DLG5: variants seen among roughly 807,000 people sequenced by gnomAD.
DLG5 encodes the protein disks large homolog 5.
Under a neutral mutation model 189.8 loss-of-function variants are expected in DLG5, and 48 were observed. The observed-to-expected ratio is 0.25, with a 90% CI of 0.20 to 0.32. The LOEUF (loss-of-function observed/expected upper bound fraction) is 0.32, where lower values mean the gene tolerates loss of function less well. Ranked by LOEUF, DLG5 falls within the 10% of genes least tolerant of loss-of-function variation. The pLI, the probability that DLG5 is intolerant of heterozygous loss-of-function variation, is 1.00. For missense variants in DLG5, 2,160 were observed against 2,544.7 expected (o/e 0.85, Z 3.25); for synonymous variants, 1,016 against 1,054.1 (o/e 0.96, Z 0.70).
At chr10:77,816,393 T>G (rs1450099278) in intron 20 of DLG5, among the ~76,000 whole-genome samples, 158 bp downstream of exon 20, 2 of 152,218 alleles carry the variant, frequency 1.3e-5, no homozygotes, top group Non-Finnish European at 2.9e-5. Flanking sequence ...CTGCATCCAG[T>G]GCCCCATGGC....
chr10:77,897,083 T>C (rs1241158251), intron 1 of DLG5, among the ~76,000 whole-genome samples: 3 of 151,884 alleles, frequency 2.0e-5, no homozygotes, highest in East Asian at 3.9e-4. Context: ...AAGCCAGGCA[T>C]GGTGGCTCAC....
intron 1 of DLG5, among the ~76,000 whole-genome samples, chr10:77,876,699 A>G (rs1486729650): frequency 2.8e-5 from 2 of 71,726 alleles, no homozygotes; most frequent in African/African-American, 4.3e-5. Context: ...GGAAGGAAGG[A>G]AGGAAGGAAG....
chr10:77,895,915 A>G (rs1043113257), intron 1 of DLG5, among the ~76,000 whole-genome samples: 1 of 152,220 alleles, frequency 6.6e-6, no homozygotes, highest in Non-Finnish European at 1.5e-5. Flanking sequence ...AAAAACCAGT[A>G]GCATCTTTTA....
At chr10:77,896,368 A>T (rs1469248947) in intron 1 of DLG5, among the ~76,000 whole-genome samples, 2 of 152,184 alleles carry the variant, frequency 1.3e-5, no homozygotes, top group Non-Finnish European at 2.9e-5. Flanking sequence ...TAGAGGATAT[A>T]ATTGCATCAG....
chr10:77,939,247 C>A, the DLG5 span, among the ~76,000 whole-genome samples: 1 of 152,120 alleles, frequency 6.6e-6, no homozygotes, highest in Admixed American at 6.5e-5. Context: ...AAAGCCAGTT[C>A]CTGGGGAATA....
chr10:77,869,443 G>A, intron 1 of DLG5: 3 of 490,962 alleles, frequency 6.1e-6, no homozygotes, highest in Non-Finnish European at 1.1e-5. Context: ...GGAACTTGGA[G>A]TCAGTCAGCT....
At chr10:77,917,661 C>T (rs1038831823) in intron 1 of DLG5, among the ~76,000 whole-genome samples, 3 of 152,116 alleles carry the variant, frequency 2.0e-5, no homozygotes, top group African/African-American at 7.2e-5. Context: ...TCAATAGGTA[C>T]AGAGTTTCGA....
intron 1 of DLG5, among the ~76,000 whole-genome samples, chr10:77,916,356 T>A (rs2131851149): frequency 6.6e-6 from 1 of 152,130 alleles, no homozygotes; most frequent in African/African-American, 2.4e-5. Context: ...AATGGCACGA[T>A]CTCAGCTAAC....
chr10:77,829,257 C>T (rs1415143376), intron 12 of DLG5, 98 bp downstream of exon 12: 5 of 1,515,280 alleles, frequency 3.3e-6, no homozygotes, highest in Non-Finnish European at 4.5e-6. Flanking sequence ...GCCCCTCATC[C>T]CTGTGAATGA....
chr10:77,889,423 C>T (rs2095576929), intron 1 of DLG5: 1 of 152,602 alleles, frequency 6.6e-6, no homozygotes, highest in Non-Finnish European at 1.5e-5. Flanking sequence ...GGTATCCAGC[C>T]CTCACCCGTG....
In DLG5 at chr10:77,843,599, G is replaced by A; in HGVS notation, c.972C>T (p.Tyr324=). The change falls in exon 6 of 32, where the codon TAC becomes TAT. Residue 324 remains tyrosine (Y), a synonymous_variant. Coordinates refer to ENST00000372391, the MANE Select transcript of DLG5 (RefSeq NM_004747.4). ...KKDYDALRKR[Y]SEKVAIHNAD... ...CATTGTGGATGGCGACTTTCTCACT[G>A]TACCTCTTCCGAAGGGCGTCATAGT... 1.2e-6 allele frequency: 2 copies of A among 1,614,012 alleles called. No individual in the cohort carries two copies. Among genetic ancestry groups the A allele is most frequent in the Non-Finnish European group, 1.7e-6 (2 of 1,180,032 alleles).
At chr10:77,799,901 G>A (rs1235609658) in intron 27 of DLG5, among the ~76,000 whole-genome samples, 5 of 152,104 alleles carry the variant, frequency 3.3e-5, no homozygotes, top group African/African-American at 2.4e-5. Flanking sequence ...GTGAGCTACC[G>A]TGCCTGGCCT....
chr10:77,925,836 G>A (rs1846669968), intron 1 of DLG5, among the ~76,000 whole-genome samples: 3 of 152,154 alleles, frequency 2.0e-5, no homozygotes, highest in Admixed American at 6.5e-5. Context: ...CCATTCTTCT[G>A]GACGGTACCC....
At chr10:77,819,502 G>C (rs1349266981) in intron 16 of DLG5, 37 bp from the exon 17 acceptor site, 1 of 1,592,822 alleles carries the variant, frequency 6.3e-7, no homozygotes, top group Non-Finnish European at 8.5e-7. Flanking sequence ...CGCCCCAAAG[G>C]ACCCAGCCAG....
In DLG5 at chr10:77,926,173, G is replaced by A. The variant is rs759545187; in HGVS notation, c.304+44C>T. 552 of 1,328,878 alleles carry A rather than the reference G, an allele frequency of 4.2e-4. No homozygotes were observed. The highest frequency in any genetic ancestry group is 5.2e-4 in the Non-Finnish European group (536 of 1,030,968). The allele number at this position is 1,328,878 out of a possible 1,614,324, so 82.3% of individuals were successfully genotyped here. A position where few individuals can be genotyped will look rare whatever the true frequency, so the allele number is the denominator to read the frequency against. The stretch of plus-strand genomic sequence containing the variant: ...CCCTCGGCCAGCAGGAGGGAGAAGC[G>A]GAGGGCGCGTCCCAGAGGCGGGGGC... On this transcript the variant is annotated intron_variant, in intron 1 of 31. Transcript: ENST00000372391. This position sits in a 1 kb window ranked among gnomAD's most constrained non-coding sequence, Gnocchi z 5.2.
intron 5 of DLG5, among the ~76,000 whole-genome samples, chr10:77,848,345 A>G (rs1367426910): frequency 1.3e-5 from 2 of 152,200 alleles, no homozygotes; most frequent in Non-Finnish European, 2.9e-5. Flanking sequence ...AAGAAAATCA[A>G]CTTTCATGAA....
At chr10:77,876,640 G>A (rs1186923321) in intron 1 of DLG5, among the ~76,000 whole-genome samples, 2 of 140,978 alleles carry the variant, frequency 1.4e-5, no homozygotes, top group Non-Finnish European at 3.0e-5. Context: ...GGAATTACAG[G>A]CATGAGCCAC....
rs1031614788 is a variant in DLG5 at position 77,843,377 on chromosome 10, C to T, written c.1124+70G>A. 31 of 1,557,368 alleles carry T rather than the reference C, an allele frequency of 2.0e-5. No individual in the cohort carries two copies. The Admixed American group carries it at 5.1e-4, about 25-fold the overall frequency. ...AAAGCACAATAACTCATGCTGTTCT[C>T]ATCCCCTGGTGGTGGCTGGGAACCT... On this transcript the variant is annotated intron_variant, in intron 6 of 31. Transcript: ENST00000372391.
chr10:77,793,660 C>T lies in DLG5; in HGVS notation c.5656+348G>A, dbSNP rs58912875. 2.3e-3 allele frequency: 646 copies of T among 283,856 alleles called. 4 individuals are homozygous for T. The highest frequency in any genetic ancestry group is 0.013 in the African/African-American group (590 of 44,788). The allele number at this position is 283,856 out of a possible 1,614,324, so 17.6% of individuals were successfully genotyped here. On this transcript the variant is annotated intron_variant, in intron 31 of 31. Transcript: ENST00000372391. ...CCCCTAGCCTCCGCTGCCCACACTG[C>T]TGGCACACTGGGGGCTGCTCCAGTC...
Sources: allele counts gnomAD v4.1 joint callset (sites outside exome capture counted in the v4.1 genomes callset), GRCh38; gene constraint gnomAD v4.1.1; non-coding constraint Gnocchi (gnomAD v3.1); transcripts MANE v1.5; gene names NCBI Gene and HGNC (gene_info 2026-07-23, HGNC 2026-07-21).